Variants in SLC9A5 observed in about 807,000 individuals in gnomAD.
The protein encoded by SLC9A5 is solute carrier family 9 member A5.
Under a neutral mutation model 91.7 loss-of-function variants are expected in SLC9A5, and 52 were observed. The observed-to-expected ratio is 0.57, with a 90% confidence interval of 0.45 to 0.71. SLC9A5 has a LOEUF of 0.71. SLC9A5 is among the 30% of genes least tolerant of loss of function. SLC9A5 has a pLI of 0.00. For missense variants in SLC9A5, 871 were observed against 1,158.9 expected (o/e 0.75, Z 3.61); for synonymous variants, 419 against 474.5 (o/e 0.88, Z 1.52).
rs77601626 is a variant in SLC9A5 at position 67,252,449 on chromosome 16, C to T, written c.188-93C>T. On this transcript the variant is annotated intron_variant, in intron 1 of 15. Transcript: ENST00000299798. This position sits in a 1 kb window ranked among gnomAD's most constrained non-coding sequence, Gnocchi z 4.0. ...TGGGCAACAGAGTGAGACTTCATCT[C>T]AAAAAAAAAAAAACAAAACTGGGAG... 7 of 934,356 alleles carry T rather than the reference C, an allele frequency of 7.5e-6. No individual in the cohort carries two copies. In the East Asian group the frequency reaches 1.4e-4, roughly 19 times the overall value. 57.9% of individuals were successfully genotyped at this position (934,356 alleles called of 1,614,324 possible). A position where few individuals can be genotyped will look rare whatever the true frequency, so the allele number is the denominator to read the frequency against.
rs778908566 is a variant in SLC9A5 at position 67,270,886 on chromosome 16, G to C, written c.2367G>C (p.Thr789=). Reference sequence around the variant, plus strand: ...AGATTGTGCCTGTGGACATGCAGACGGGTTGGAACCAGAGCATCTCATCCC... The same window carrying C: ...AGATTGTGCCTGTGGACATGCAGACCGGTTGGAACCAGAGCATCTCATCCC... The part of the protein sequence containing the change: ...TTKIVPVDMQ[T]GWNQSISSLE... Residue 789 remains threonine, a synonymous_variant, in exon 16 of 16, where the codon ACG becomes ACC. Coordinates refer to ENST00000299798, the MANE Select transcript of SLC9A5 (RefSeq NM_004594.3). This position sits in a 1 kb window ranked among gnomAD's most constrained non-coding sequence, Gnocchi z 4.3. 3.1e-6 allele frequency: 5 copies of C among 1,613,924 alleles called. No individual in the cohort carries two copies. Among genetic ancestry groups the C allele is most frequent in the Non-Finnish European group, 4.2e-6 (5 of 1,180,008 alleles).
At chr16:67,268,701 TA>T (rs2035820064) in intron 15 of SLC9A5, among the ~76,000 whole-genome samples, 16 of 94,652 alleles carry the variant, frequency 1.7e-4, no homozygotes, top group African/African-American at 5.4e-4. Flanking sequence ...TATATATATA[TA>T]TATATATATT....
chr16:67,258,494 T>A lies in SLC9A5; in HGVS notation c.1626+47T>A. 6.2e-7 allele frequency: 1 copy of A among 1,612,106 alleles called. No homozygotes were observed. Among genetic ancestry groups the A allele is most frequent in the Non-Finnish European group, 8.5e-7 (1 of 1,178,848 alleles). ...GGGCCAGTGGTGGGTGGGCAGATGG[T>A]CAGCAGAGCAGGACAGAAAGGGGTG... On this transcript the variant is annotated intron_variant, in intron 10 of 15. Transcript: ENST00000299798. The surrounding 1 kb of genome is among the most constrained non-coding windows in gnomAD (Gnocchi z 4.5).
rs754876975 is a variant in SLC9A5, at chr16:67,255,512, C to T, written c.733+41C>T. 1 of 1,599,152 alleles carries T rather than the reference C, an allele frequency of 6.3e-7. No homozygotes were observed. Among genetic ancestry groups the T allele is most frequent in the Non-Finnish European group, 8.6e-7 (1 of 1,166,686 alleles). ...CTCCCAGCTGGCATTGGAGGTCTGC[C>T]TCCCCTGGGTTGCTGAGGCCCTCCC... On this transcript the variant is annotated intron_variant, in intron 4 of 15. Coordinates refer to ENST00000299798, the MANE Select transcript of SLC9A5 (RefSeq NM_004594.3). This position sits in a 1 kb window ranked among gnomAD's most constrained non-coding sequence, Gnocchi z 4.9.
chr16:67,254,620 C>T (rs2035243241), intron 2 of SLC9A5, among the ~76,000 whole-genome samples: 1 of 152,246 alleles, frequency 6.6e-6, no homozygotes, highest in East Asian at 1.9e-4. Flanking sequence ...TGGTCTTGAA[C>T]TCCTGACCTC....
rs1464822632 is a variant in SLC9A5, at chr16:67,271,314, G to A, written c.*104G>A. 2 of 1,032,804 alleles carry A rather than the reference G, an allele frequency of 1.9e-6. No homozygotes were observed. Among genetic ancestry groups the A allele is most frequent in the Admixed American group, 2.1e-5 (1 of 46,524 alleles). 64.0% of individuals were successfully genotyped at this position (1,032,804 alleles called of 1,614,324 possible). A position where few individuals can be genotyped will look rare whatever the true frequency, so the allele number is the denominator to read the frequency against. On this transcript the variant is annotated 3_prime_UTR_variant, in exon 16 of 16. Coordinates refer to ENST00000299798, the MANE Select transcript of SLC9A5 (RefSeq NM_004594.3). ...TTGACATGGGGCCAGAAGGGCCTGG[G>A]TTGAAGTAGTAATTGGGCTTCCTTG...
chr16:67,252,760 C>T lies in SLC9A5; in HGVS notation c.406C>T (p.Leu136Phe). Residue 136 changes from leucine (L) to phenylalanine (F), a missense_variant, in exon 2 of 16, where the codon CTC (leucine) becomes TTC (phenylalanine). By Grantham distance (22) the Leu-to-Phe change is conservative. This residue lies in a region of SLC9A5 where 454 missense variants were observed against 718.3 expected (regional missense o/e 0.63). Coordinates refer to ENST00000299798, the MANE Select transcript of SLC9A5 (RefSeq NM_004594.3). This position sits in a 1 kb window ranked among gnomAD's most constrained non-coding sequence, Gnocchi z 4.0. ...GTTCTTTGACAACTTGGGTGCCATC[C>T]TCACCTATGCCGTGGTAGGCACACT... ...RLFFDNLGAI[L>F]TYAVVGTLWN... 3 of 1,614,174 alleles carry T rather than the reference C, an allele frequency of 1.9e-6. No individual in the cohort carries two copies. The highest frequency in any genetic ancestry group is 1.1e-5 in the South Asian group (1 of 91,084).
In SLC9A5 at chr16:67,256,054, G is replaced by A. The variant is rs571891264; in HGVS notation, c.911+124G>A. The A allele has an allele frequency of 2.1e-5, 23 of 1,073,636 alleles. No individual in the cohort carries two copies. The African/African-American group carries it at 3.3e-4, about 16-fold the overall frequency. 66.5% of individuals were successfully genotyped at this position (1,073,636 alleles called of 1,614,324 possible). ...TTTCCCTGAGCCCTTGTGGTAGTGGGAGCCTCAGACTGTCCTGGGGAGTCA... is the reference window on the plus strand; with the variant it reads ...TTTCCCTGAGCCCTTGTGGTAGTGGAAGCCTCAGACTGTCCTGGGGAGTCA... On this transcript the variant is annotated intron_variant, in intron 5 of 15. Transcript: ENST00000299798. The surrounding 1 kb of genome is among the most constrained non-coding windows in gnomAD (Gnocchi z 4.1).
chr16:67,256,438 C>T lies in SLC9A5; in HGVS notation c.912-31C>T, dbSNP rs779429167. On this transcript the variant is annotated intron_variant, in intron 5 of 15. Transcript: ENST00000299798. This position sits in a 1 kb window ranked among gnomAD's most constrained non-coding sequence, Gnocchi z 4.1. ...AGGCTGAGCCCCCTGGAACCCTTCC[C>T]CACTTGCCATGTCTCTCCATCCTCT... The T allele has an allele frequency of 6.1e-5, 93 of 1,522,658 alleles. 2 individuals carry two copies. The South Asian group carries it at 1.0e-3, about 16-fold the overall frequency. The allele number at this position is 1,522,658 out of a possible 1,614,324, so 94.3% of individuals were successfully genotyped here.
At chr16:67,264,667 CT>C in intron 13 of SLC9A5, 145 bp downstream of exon 13, 5 of 775,450 alleles carry the variant, frequency 6.4e-6, no homozygotes, top group South Asian at 1.8e-5. Flanking sequence ...TTTGGGTTCC[CT>C]TTTAGATGTT....
chr16:67,259,569 G>A lies in SLC9A5; in HGVS notation c.1627-4G>A. ...CTGGCTGACCTTGGTCTTGACACCT[G>A]CAGGGAGGCCACGTCTTGTCTTCCA... On this transcript the variant is annotated splice_polypyrimidine_tract_variant and splice_region_variant and intron_variant, in intron 10 of 15. Transcript: ENST00000299798. The A allele has an allele frequency of 6.2e-7, 1 of 1,613,650 alleles. No homozygotes were observed. Among genetic ancestry groups the A allele is most frequent in the Non-Finnish European group, 8.5e-7 (1 of 1,179,620 alleles).
Position 67,255,005 on chromosome 16 carries a change from A to G in SLC9A5, c.491-16A>G, listed in dbSNP as rs376440875. The G allele has an allele frequency of 5.6e-5, 91 of 1,611,596 alleles. No individual in the cohort carries two copies. Among genetic ancestry groups the G allele is most frequent in the Non-Finnish European group, 7.3e-5 (86 of 1,178,760 alleles). On this transcript the variant is annotated splice_polypyrimidine_tract_variant and intron_variant, in intron 2 of 15. Coordinates refer to ENST00000299798, the MANE Select transcript of SLC9A5 (RefSeq NM_004594.3). The surrounding 1 kb of genome is among the most constrained non-coding windows in gnomAD (Gnocchi z 4.9). ...GTCTTCAATGACTGGCCTGTCCTAC[A>G]CATGTCCCTTAATAGCCCCTAGGGT...
In SLC9A5 at chr16:67,258,366, A is replaced by G; in HGVS notation, c.1545A>G (p.Arg515=). 6.2e-7 allele frequency: 1 copy of G among 1,614,160 alleles called. No homozygotes were observed. Among genetic ancestry groups the G allele is most frequent in the African/African-American group, 1.3e-5 (1 of 75,062 alleles). The change falls in exon 10 of 16, where the codon CGA becomes CGG. Residue 515 remains arginine (R), a synonymous_variant. Coordinates refer to ENST00000299798, the MANE Select transcript of SLC9A5 (RefSeq NM_004594.3). This position sits in a 1 kb window ranked among gnomAD's most constrained non-coding sequence, Gnocchi z 4.5. Reference sequence around the variant, plus strand: ...ACCTGAGTCAGCTGCTGATGCGACGATCAGCCTACCGCATCCGGGACCAGA... The same window carrying G: ...ACCTGAGTCAGCTGCTGATGCGACGGTCAGCCTACCGCATCCGGGACCAGA... ...KKYLSQLLMR[R]SAYRIRDQIW...
intron 15 of SLC9A5, among the ~76,000 whole-genome samples, chr16:67,267,562 G>C (rs903375450): frequency 2.0e-5 from 3 of 152,190 alleles, no homozygotes; most frequent in African/African-American, 7.2e-5. Flanking sequence ...TTGTAGTCTA[G>C]TGAGGAATAG....
intron 12 of SLC9A5, chr16:67,262,240 A>C: frequency 2.2e-6 from 1 of 457,430 alleles, no homozygotes; most frequent in South Asian, 1.5e-5. Flanking sequence ...GCCCTGTGGC[A>C]TGCTACTAAA....
Position 67,265,161 on chromosome 16 carries a change from G to A in SLC9A5, c.2080+55G>A, listed in dbSNP as rs955236569. ...TGGGAGGGAGGAGGGAAAGGGCTGG[G>A]GCTTGCCAGCCAGAATCCTGGAGGA... On this transcript the variant is annotated intron_variant, in intron 14 of 15. Coordinates refer to ENST00000299798, the MANE Select transcript of SLC9A5 (RefSeq NM_004594.3). 9 of 1,560,128 alleles carry A rather than the reference G, an allele frequency of 5.8e-6. No homozygotes were observed. In the Admixed American group the frequency reaches 1.3e-4, roughly 23 times the overall value.
chr16:67,262,083 GC>G (rs2035550144), intron 12 of SLC9A5: 16 of 335,106 alleles, frequency 4.8e-5, no homozygotes, highest in South Asian at 3.3e-4. Context: ...ATTTGCTTTA[GC>G]CCATCATCCC....
At chr16:67,260,702 G>C (rs755973593) in intron 12 of SLC9A5, among the ~76,000 whole-genome samples, 3 of 152,200 alleles carry the variant, frequency 2.0e-5, no homozygotes, top group Non-Finnish European at 4.4e-5. Flanking sequence ...AGAAGCAAGA[G>C]CACTGAGGAA....
chr16:67,265,115 G>A lies in SLC9A5; in HGVS notation c.2080+9G>A. The A allele has an allele frequency of 6.2e-7, 1 of 1,613,722 alleles. No individual in the cohort carries two copies. The highest frequency in any genetic ancestry group is 1.3e-5 in the African/African-American group (1 of 75,032). On this transcript the variant is annotated intron_variant, in intron 14 of 15. Transcript: ENST00000299798. ...GGGCTTTCAGGACACAGGCAAGCAG[G>A]GAGCAGTGTGGGATTGAGGATGGGA...
Sources: allele counts gnomAD v4.1 joint callset (sites outside exome capture counted in the v4.1 genomes callset), GRCh38; gene constraint gnomAD v4.1.1; regional missense constraint gnomAD v4.1.1; non-coding constraint Gnocchi (gnomAD v3.1); transcripts MANE v1.5; gene names NCBI Gene and HGNC (gene_info 2026-07-23, HGNC 2026-07-21).